NOSTRIN: variants seen among roughly 807,000 people sequenced by gnomAD.
NOSTRIN encodes nitric oxide synthase trafficking.
In NOSTRIN, 63 loss-of-function variants were observed where a neutral mutation model predicts 59.0. The ratio of observed to expected loss-of-function variants is 1.07; its 90% CI spans 0.87 to 1.32. The LOEUF (loss-of-function observed/expected upper bound fraction) is 1.32. Ranked by LOEUF, NOSTRIN falls within the 40% of genes most tolerant of loss-of-function variation. NOSTRIN has a pLI of 0.00. For synonymous variants in NOSTRIN, 200 were observed against 165.4 expected, an observed-to-expected ratio of 1.21 and a Z score of -1.61; for missense variants, 512 against 473.1, an observed-to-expected ratio of 1.08 and a Z score of -0.76.
chr2:168,799,748 G>T (rs1335279746), upstream of NOSTRIN, among the ~76,000 whole-genome samples: 31 of 152,082 alleles, frequency 2.0e-4, no homozygotes, highest in Non-Finnish European at 1.5e-5. Context: ...AGGCTGGATT[G>T]GGGAGAGGGA....
rs1688739960 is a variant in NOSTRIN, at chr2:168,851,113, T to C, written c.660T>C (p.Ile220=). 5.1e-6 allele frequency: 8 copies of C among 1,576,582 alleles called. No homozygotes were observed. The highest frequency in any genetic ancestry group is 7.0e-6 in the Non-Finnish European group (8 of 1,145,704). ...QSILELEKER[I]QLLCNNLNQY... ...TTCTGGAGCTGGAGAAGGAAAGAAT[T>C]CAACTTTTATGCAATAACTTAAACC... Residue 220 remains isoleucine (I), a synonymous_variant, in exon 9 of 16, where the codon ATT becomes ATC. Transcript: ENST00000317647.
chr2:168,800,909 T>TAAA (rs1472847040), upstream of NOSTRIN, among the ~76,000 whole-genome samples: 27 of 59,446 alleles, frequency 4.5e-4, no homozygotes, highest in Non-Finnish European at 9.9e-4. Context: ...TAAATTTCTT[T>TAAA]TAAAAAAAAA....
chr2:168,835,078 A>C (rs1687641130), intron 7 of NOSTRIN, among the ~76,000 whole-genome samples: 1 of 148,196 alleles, frequency 6.7e-6, no homozygotes, highest in Non-Finnish European at 1.5e-5. Context: ...CTTCTTGATA[A>C]TTTTTTTTTT....
chr2:168,861,570 A>G (rs1689451883), intron 14 of NOSTRIN, among the ~76,000 whole-genome samples: 1 of 152,136 alleles, frequency 6.6e-6, no homozygotes, highest in Non-Finnish European at 1.5e-5. Flanking sequence ...TGTTTGAGAA[A>G]CAGTTCCATA....
intron 11 of NOSTRIN, 60 bp downstream of exon 11, chr2:168,855,520 T>C (rs1211853340): frequency 4.2e-6 from 4 of 949,982 alleles, no homozygotes; most frequent in Non-Finnish European, 6.6e-6. Context: ...AGAGGTTTCA[T>C]TCAGAGTTAG....
At chr2:168,817,869 A>G (rs830027) in intron 2 of NOSTRIN, among the ~76,000 whole-genome samples, 96,741 of 152,072 alleles carry the variant, frequency 0.64, 31,326 homozygotes, top group African/African-American at 0.76. Flanking sequence ...CAGAGCTTCA[A>G]TATGAAAATG....
At chr2:168,834,119 T>G (rs530085079) in intron 6 of NOSTRIN, 108 bp from the exon 7 acceptor site, 6 of 653,406 alleles carry the variant, frequency 9.2e-6, no homozygotes, top group Admixed American at 5.3e-5. Context: ...CTAGGATACA[T>G]AATTGTTAAA....
At chr2:168,861,305 G>A (rs950547403) in intron 14 of NOSTRIN, among the ~76,000 whole-genome samples, 2 of 152,130 alleles carry the variant, frequency 1.3e-5, no homozygotes, top group African/African-American at 4.8e-5. Flanking sequence ...TGGTTTGCCA[G>A]GGCTTGGACT....
chr2:168,864,822 G>C lies in NOSTRIN; in HGVS notation c.1385-12G>C. The C allele has an allele frequency of 6.2e-7, 1 of 1,613,392 alleles. No individual in the cohort carries two copies. Among genetic ancestry groups the C allele is most frequent in the Non-Finnish European group, 8.5e-7 (1 of 1,179,588 alleles). ...ATCACAGAGACCCATTTGTCTAACTGTATTTTCACAGGTGACATTGTGATT... is the reference window on the plus strand; with the variant it reads ...ATCACAGAGACCCATTTGTCTAACTCTATTTTCACAGGTGACATTGTGATT... On this transcript the variant is annotated splice_polypyrimidine_tract_variant and intron_variant, in intron 15 of 15. Transcript: ENST00000317647.
intron 10 of NOSTRIN, among the ~76,000 whole-genome samples, chr2:168,851,966 G>T (rs1688792978): frequency 6.6e-6 from 1 of 152,130 alleles, no homozygotes; most frequent in Non-Finnish European, 1.5e-5. Context: ...CTGTTGGCAG[G>T]CCTCCAGTCC....
intron 15 of NOSTRIN, chr2:168,863,236 G>A: frequency 4.4e-6 from 1 of 229,418 alleles, no homozygotes; most frequent in Non-Finnish European, 7.2e-6. Flanking sequence ...TTATTTGTTT[G>A]AATTCTTGTT....
chr2:168,802,497 G>T, upstream of NOSTRIN: 1 of 665,404 alleles, frequency 1.5e-6, no homozygotes, highest in Non-Finnish European at 2.8e-6. Flanking sequence ...TGAAAGTCCA[G>T]GGCTGGGACT....
At chr2:168,829,451 G>A (rs1254515709) in intron 5 of NOSTRIN, among the ~76,000 whole-genome samples, 2 of 152,028 alleles carry the variant, frequency 1.3e-5, no homozygotes, top group Non-Finnish European at 2.9e-5. Context: ...CTCTCGAGTA[G>A]CTGACATTAC....
chr2:168,790,930 G>A (rs1038806580), intron 2 of NOSTRIN, among the ~76,000 whole-genome samples: 2 of 152,100 alleles, frequency 1.3e-5, no homozygotes, highest in African/African-American at 2.4e-5. Context: ...TCCTTGTAAC[G>A]AACTTGCAAT....
At chr2:168,841,235 CAAAAAAAAAAA>C (rs57480764) in intron 7 of NOSTRIN, among the ~76,000 whole-genome samples, 3 of 106,588 alleles carry the variant, frequency 2.8e-5, no homozygotes, top group East Asian at 2.5e-4. Context: ...ACCCTGTCTC[CAAAAAAAAAAA>C]AAAAAAAAAA....
At chr2:168,855,486 C>T in intron 11 of NOSTRIN, 26 bp downstream of exon 11, 7 of 1,286,204 alleles carry the variant, frequency 5.4e-6, no homozygotes, top group Non-Finnish European at 7.9e-6. Flanking sequence ...TTTGAATGGC[C>T]AGAAAAGGGA....
At chr2:168,800,016 G>C (rs1685573390), upstream of NOSTRIN, among the ~76,000 whole-genome samples, 1 of 152,214 alleles carries the variant, frequency 6.6e-6, no homozygotes, top group South Asian at 2.1e-4. Flanking sequence ...ATGATGGGAT[G>C]TCCATATTAA....
At chr2:168,861,843 T>A in intron 14 of NOSTRIN, 117 bp from the exon 15 acceptor site, 1 of 907,770 alleles carries the variant, frequency 1.1e-6, no homozygotes, top group East Asian at 2.5e-5. Flanking sequence ...ACTTTCCTTT[T>A]GAGAAAAATT....
At chr2:168,838,160 A>T (rs1687851919) in intron 7 of NOSTRIN, among the ~76,000 whole-genome samples, 1 of 152,144 alleles carries the variant, frequency 6.6e-6, no homozygotes, top group Admixed American at 6.5e-5. Flanking sequence ...CTGCTTTCTG[A>T]CTCCTTAAAC....
Sources: gnomAD v4.1 joint callset for allele counts (sites outside exome capture counted in the v4.1 genomes callset) on GRCh38, gnomAD v4.1.1 for gene constraint, MANE v1.5 for transcripts, NCBI Gene and HGNC (gene_info 2026-07-23, HGNC 2026-07-21) for gene names.